The following SEMA6D variants were observed in gnomAD, a reference collection of about 807,000 sequenced individuals.
SEMA6D encodes semaphorin 6D.
SEMA6D carries 35 observed loss-of-function variants against 106.6 expected under a neutral mutation model. The ratio of observed to expected loss-of-function variants is 0.33; its 90% CI spans 0.25 to 0.44. The LOEUF (loss-of-function observed/expected upper bound fraction) is 0.44, where lower values mean the gene tolerates loss of function less well. Among genes scored for constraint, SEMA6D ranks in the 20% least tolerant of loss-of-function variants. The pLI is 1.00. For synonymous variants in SEMA6D, 499 were observed against 487.7 expected (o/e 1.02, Z -0.31); for missense variants, 1,185 against 1,345.9 (o/e 0.88, Z 1.87).
intron 2 of SEMA6D, among the ~76,000 whole-genome samples, chr15:47,434,663 C>G (rs1422747874): frequency 6.6e-6 from 1 of 152,038 alleles, no homozygotes; most frequent in Non-Finnish European, 1.5e-5. Flanking sequence ...AATTTTGTAT[C>G]CTACACAGCA....
At chr15:47,690,685 A>AAAATTAT (rs2078567022) in intron 4 of SEMA6D, among the ~76,000 whole-genome samples, 1 of 152,220 alleles carries the variant, frequency 6.6e-6, no homozygotes, top group African/African-American at 2.4e-5. Flanking sequence ...ATTTATGCAG[A>AAAATTAT]GTCCCCAACT....
At chr15:47,391,561 T>G (rs565783362) in intron 1 of SEMA6D, among the ~76,000 whole-genome samples, 1 of 152,102 alleles carries the variant, frequency 6.6e-6, no homozygotes, top group Admixed American at 6.5e-5. Flanking sequence ...TGAATTGCAA[T>G]AAACTCACAC....
intron 11 of SEMA6D, 66 bp downstream of exon 11, chr15:47,764,371 C>T: frequency 1.3e-6 from 2 of 1,552,756 alleles, no homozygotes; most frequent in Non-Finnish European, 1.7e-6. Flanking sequence ...AAGCATCCCT[C>T]CTCAGGGAGC....
intron 2 of SEMA6D, among the ~76,000 whole-genome samples, chr15:47,465,155 C>A (rs976576361): frequency 1.3e-5 from 2 of 152,196 alleles, no homozygotes; most frequent in Non-Finnish European, 2.9e-5. Context: ...CTGTCTTGTA[C>A]TCACAGTGCT....
At position 47,258,396 on chromosome 15, in the gene SEMA6D, G is replaced by A. The variant is rs190492376; in HGVS notation, c.-239+73978G>A. Among the ~76,000 whole-genome samples the A allele has an allele frequency of 3.6e-3, 554 of 152,296 alleles. 3 individuals carry two copies. Among genetic ancestry groups the A allele is most frequent in the Admixed American group, 7.3e-3 (111 of 15,304 alleles). On this transcript the variant is annotated intron_variant, in intron 1 of 19. Coordinates refer to the SEMA6D transcript ENST00000558014. ...GTGAGGATGTTTCCAGAAAAGGCTA[G>A]CATTTGAATCAGCAGACTGAGTAAA...
chr15:47,560,217 A>T (rs1018353193), intron 3 of SEMA6D, among the ~76,000 whole-genome samples: 1 of 152,110 alleles, frequency 6.6e-6, no homozygotes, highest in African/African-American at 2.4e-5. Context: ...GAGACAAAAA[A>T]AAATGCAGTA....
intron 2 of SEMA6D, among the ~76,000 whole-genome samples, chr15:47,424,150 A>G (rs189580374): frequency 1.4e-4 from 22 of 152,206 alleles, no homozygotes; most frequent in African/African-American, 5.1e-4. Context: ...TACTCAGTGT[A>G]TTTGTTTAGA....
chr15:47,655,090 C>G (rs1163520471), intron 4 of SEMA6D, among the ~76,000 whole-genome samples: 2 of 152,066 alleles, frequency 1.3e-5, no homozygotes, highest in African/African-American at 4.8e-5. Flanking sequence ...GTTCAAAGGC[C>G]AACCGTATAT....
At chr15:47,730,182 C>T (rs906367837) in intron 1 of SEMA6D, 10 of 1,535,074 alleles carry the variant, frequency 6.5e-6, no homozygotes, top group Middle Eastern at 2.3e-4. Flanking sequence ...TTTGCCTTTT[C>T]GAGCTTGGCG....
chr15:47,324,553 A>G (rs17287384), intron 1 of SEMA6D, among the ~76,000 whole-genome samples: 1,667 of 152,114 alleles, frequency 0.011, 11 homozygotes, highest in Non-Finnish European at 0.014. Flanking sequence ...TAGGAGCAAC[A>G]ATTTATTTAA....
chr15:47,428,685 A>C (rs1345143448), intron 2 of SEMA6D, among the ~76,000 whole-genome samples: 4 of 151,890 alleles, frequency 2.6e-5, no homozygotes, highest in Non-Finnish European at 4.4e-5. Flanking sequence ...GAGGCACAAG[A>C]GTCACTTGAA....
intron 2 of SEMA6D, among the ~76,000 whole-genome samples, chr15:47,426,322 A>G (rs1317188404): frequency 6.6e-6 from 1 of 151,898 alleles, no homozygotes; most frequent in Non-Finnish European, 1.5e-5. Context: ...GAGTTTTGTT[A>G]TTTTGTTCTG....
At chr15:47,523,862 G>T (rs1199313067) in intron 3 of SEMA6D, among the ~76,000 whole-genome samples, 1 of 152,124 alleles carries the variant, frequency 6.6e-6, no homozygotes, top group African/African-American at 2.4e-5. Flanking sequence ...GTACTCCCGG[G>T]CCATTACATC....
chr15:47,768,640 A>T lies in SEMA6D; in HGVS notation c.1825A>T (p.Lys609Ter). ...GGCAAGTATCCCAGAAATCACACCT[A>T]AAGTGATTGATACCTGGAGACCTAA... ...TMASIPEITP[K>*]VIDTWRPKLT... Residue 609 changes from lysine to a stop codon, truncating the protein, a stop_gained, in exon 18 of 19, where the codon AAA (lysine) becomes TAA (stop). Coordinates refer to ENST00000536845, the MANE Select transcript of SEMA6D (RefSeq NM_001358351.3). LOFTEE classifies it high-confidence loss of function. 1 of 1,613,398 alleles carries T rather than the reference A, an allele frequency of 6.2e-7. No homozygotes were observed. Among genetic ancestry groups the T allele is most frequent in the Non-Finnish European group, 8.5e-7 (1 of 1,179,430 alleles).
chr15:47,305,947 A>C lies in SEMA6D; in HGVS notation c.-238-106446A>C, dbSNP rs535669143. 7.2e-4 allele frequency among the ~76,000 whole-genome samples: 109 copies of C among 152,290 alleles called. 1 individual carries two copies. Among genetic ancestry groups the C allele is most frequent in the African/African-American group, 2.5e-3 (104 of 41,558 alleles). ...CTTCTTTCCTACTTTGTATCACAAT[A>C]AATAATAAGAGGTTTATTGGTAACT... On this transcript the variant is annotated intron_variant, in intron 1 of 19. Coordinates refer to the SEMA6D transcript ENST00000558014.
At chr15:47,198,332 A>G (rs1894496781) in intron 1 of SEMA6D, among the ~76,000 whole-genome samples, 1 of 152,166 alleles carries the variant, frequency 6.6e-6, no homozygotes, top group African/African-American at 2.4e-5. Context: ...TGTTCTCACT[A>G]CAAAATATGA....
chr15:47,402,237 A>G (rs552843434), intron 1 of SEMA6D, among the ~76,000 whole-genome samples: 24 of 152,218 alleles, frequency 1.6e-4, no homozygotes, highest in Non-Finnish European at 2.5e-4. Flanking sequence ...GCTGGGCAGC[A>G]CAGTTCTAGA....
chr15:47,766,273 T>A, intron 15 of SEMA6D, 91 bp downstream of exon 15: 1 of 1,122,144 alleles, frequency 8.9e-7, no homozygotes, highest in Non-Finnish European at 1.3e-6. Flanking sequence ...ATTATACTAC[T>A]TTTCTTTTTT....
intron 3 of SEMA6D, among the ~76,000 whole-genome samples, chr15:47,552,512 G>A (rs1239574468): frequency 2.7e-5 from 2 of 73,924 alleles, no homozygotes; most frequent in African/African-American, 7.0e-5. Context: ...ATGTGTGTGT[G>A]TATATATATG....
Sources: allele counts gnomAD v4.1 joint callset (sites outside exome capture counted in the v4.1 genomes callset), GRCh38; gene constraint gnomAD v4.1.1; transcripts MANE v1.5; gene names NCBI Gene and HGNC (gene_info 2026-07-23, HGNC 2026-07-21).